Variants in DNAH14 observed in about 807,000 individuals in gnomAD.
DNAH14 encodes the protein axonemal beta dynein heavy chain 14.
In DNAH14, 478 loss-of-function variants were observed where a neutral mutation model predicts 520.9. The ratio of observed to expected loss-of-function variants is 0.92; its 90% confidence interval spans 0.85 to 0.99. DNAH14 has a LOEUF of 0.99. Among genes scored for constraint, DNAH14 ranks in the 50% least tolerant of loss-of-function variants. The probability of loss-of-function intolerance (pLI) is 0.00; values close to 1 mark genes in which losing one functional copy is unlikely to be tolerated. For missense variants in DNAH14, 4,831 were observed against 5,234.5 expected, an observed-to-expected ratio of 0.92 and a Z score of 2.38; for synonymous variants, 1,581 against 1,757.2, an observed-to-expected ratio of 0.90 and a Z score of 2.51.
chr1:224,978,084 A>G (rs2061995753), intron 8 of DNAH14, among the ~76,000 whole-genome samples: 2 of 152,240 alleles, frequency 1.3e-5, no homozygotes, highest in Non-Finnish European at 2.9e-5. Flanking sequence ...TAGCACAACC[A>G]TATGGAAAAA....
intron 17 of DNAH14, among the ~76,000 whole-genome samples, chr1:225,056,911 C>G (rs1260335803): frequency 5.9e-5 from 9 of 152,138 alleles, no homozygotes; most frequent in African/African-American, 1.7e-4. Flanking sequence ...GGTACCAGTA[C>G]CATGCTGTTT....
intron 81 of DNAH14, among the ~76,000 whole-genome samples, chr1:225,385,349 A>G (rs2095828844): frequency 6.6e-6 from 1 of 152,222 alleles, no homozygotes. Context: ...CACCACTCCT[A>G]TTCAACATAG....
chr1:224,964,161 C>T (rs2061009624), intron 4 of DNAH14, among the ~76,000 whole-genome samples: 1 of 152,090 alleles, frequency 6.6e-6, no homozygotes, highest in African/African-American at 2.4e-5. Context: ...ATCCAACTGT[C>T]CCTACCCCAG....
At chr1:224,994,484 A>G (rs1428071966) in intron 8 of DNAH14, among the ~76,000 whole-genome samples, 4 of 152,046 alleles carry the variant, frequency 2.6e-5, no homozygotes, top group African/African-American at 7.2e-5. Context: ...TGATATAACT[A>G]TAACCACCCC....
intron 8 of DNAH14, among the ~76,000 whole-genome samples, chr1:224,994,480 A>G (rs574281136): frequency 7.9e-5 from 12 of 151,932 alleles, no homozygotes; most frequent in African/African-American, 1.2e-4. Context: ...TATCTGATAT[A>G]ACTATAACCA....
chr1:225,222,778 C>T (rs192859761), intron 41 of DNAH14, among the ~76,000 whole-genome samples: 6 of 152,266 alleles, frequency 3.9e-5, no homozygotes, highest in African/African-American at 1.4e-4. Context: ...GGCGGATCCT[C>T]GGTTTTGCAG....
At chr1:225,283,950 A>G (rs954441064) in intron 54 of DNAH14, among the ~76,000 whole-genome samples, 5 of 152,176 alleles carry the variant, frequency 3.3e-5, no homozygotes, top group African/African-American at 1.2e-4. Context: ...AAGAAACTGC[A>G]GAGAAATTAG....
chr1:224,931,341 A>C (rs1205703019), intron 1 of DNAH14, among the ~76,000 whole-genome samples: 1 of 152,168 alleles, frequency 6.6e-6, no homozygotes, highest in Non-Finnish European at 1.5e-5. Flanking sequence ...TTTATTATTG[A>C]AAAATTTATT....
At chr1:225,215,505 G>A (rs1574051184) in intron 41 of DNAH14, among the ~76,000 whole-genome samples, 1 of 152,066 alleles carries the variant, frequency 6.6e-6, no homozygotes, top group Non-Finnish European at 1.5e-5. Flanking sequence ...TTGACAGTGG[G>A]GTGTTAAAGT....
At chr1:225,071,785 A>C (rs2071576071) in intron 17 of DNAH14, among the ~76,000 whole-genome samples, 1 of 152,202 alleles carries the variant, frequency 6.6e-6, no homozygotes, top group African/African-American at 2.4e-5. Flanking sequence ...AGAAGTGCCA[A>C]ACAAAAGGCA....
At chr1:224,970,212 T>C (rs1368541624) in intron 7 of DNAH14, among the ~76,000 whole-genome samples, 3 of 152,090 alleles carry the variant, frequency 2.0e-5, no homozygotes, top group Non-Finnish European at 2.9e-5. Flanking sequence ...GTCAAAGCTG[T>C]AGGGATGAAA....
chr1:225,357,684 G>A (rs547941040), intron 73 of DNAH14: 8 of 656,600 alleles, frequency 1.2e-5, no homozygotes, highest in African/African-American at 3.6e-5. Context: ...TAAATGTGCT[G>A]TGTTAAACAT....
intron 52 of DNAH14, among the ~76,000 whole-genome samples, chr1:225,274,460 C>T (rs2093415000): frequency 6.6e-6 from 1 of 152,100 alleles, no homozygotes; most frequent in Non-Finnish European, 1.5e-5. Context: ...TCCCAAAGTG[C>T]TGGGATTACA....
intron 36 of DNAH14, among the ~76,000 whole-genome samples, chr1:225,172,021 G>T (rs2082736141): frequency 6.6e-6 from 1 of 152,118 alleles, no homozygotes; most frequent in Admixed American, 6.5e-5. Flanking sequence ...AAAACCACAT[G>T]ATTATCTCAA....
chr1:225,156,275 T>C (rs930574219), intron 34 of DNAH14, among the ~76,000 whole-genome samples: 6 of 152,190 alleles, frequency 3.9e-5, no homozygotes, highest in African/African-American at 1.4e-4. Context: ...TGGGCTGCCT[T>C]ATAAAGTTAT....
intron 36 of DNAH14, among the ~76,000 whole-genome samples, chr1:225,180,204 CT>C (rs928051385): frequency 6.6e-6 from 1 of 152,154 alleles, no homozygotes; most frequent in African/African-American, 2.4e-5. Context: ...CATTCTACCC[CT>C]TTTTCTTTCT....
chr1:225,078,868 CTCT>C (rs2072734189), intron 17 of DNAH14, among the ~76,000 whole-genome samples: 2 of 59,336 alleles, frequency 3.4e-5, no homozygotes, highest in East Asian at 4.4e-4. Context: ...CCCTCTCTCT[CTCT>C]CTCTCTCTCT....
At chr1:225,298,501 G>A (rs1283077005) in intron 55 of DNAH14, among the ~76,000 whole-genome samples, 1 of 152,172 alleles carries the variant, frequency 6.6e-6, no homozygotes, top group Non-Finnish European at 1.5e-5. Context: ...TTCCCTGCTG[G>A]CAGGACCACA....
intron 15 of DNAH14, among the ~76,000 whole-genome samples, chr1:225,046,928 T>C (rs1372316438): frequency 2.0e-5 from 3 of 152,160 alleles, no homozygotes; most frequent in Admixed American, 6.5e-5. Context: ...ACTACTTCCT[T>C]AGTTTCCGTC....
Sources: gnomAD v4.1 joint callset for allele counts (sites outside exome capture counted in the v4.1 genomes callset) on GRCh38, gnomAD v4.1.1 for gene constraint, MANE v1.5 for transcripts, NCBI Gene and HGNC (gene_info 2026-07-23, HGNC 2026-07-21) for gene names.